BTG4: variants seen among roughly 807,000 people sequenced by gnomAD.
The protein encoded by BTG4 is BTG anti-proliferation factor 4.
Under a neutral mutation model 19.3 loss-of-function variants are expected in BTG4, and 10 were observed. The observed-to-expected ratio is 0.52, with a 90% CI of 0.32 to 0.88. The LOEUF (loss-of-function observed/expected upper bound fraction) is 0.88, where lower values mean the gene tolerates loss of function less well. Among genes scored for constraint, BTG4 ranks in the 40% least tolerant of loss-of-function variants. The pLI, the probability that BTG4 is intolerant of heterozygous loss-of-function variation, is 0.04. For missense variants in BTG4, 238 were observed against 281.9 expected (o/e 0.84, Z 1.11); for synonymous variants, 91 against 95.7 (o/e 0.95, Z 0.29).
At chr11:111,451,152 A>G in the BTG4 span, 1 of 257,862 alleles carries the variant, frequency 3.9e-6, no homozygotes, top group Non-Finnish European at 8.3e-6. Flanking sequence ...TCCAGAGACC[A>G]CAGCCCCATC....
At chr11:111,412,860 T>C in the BTG4 span, among the ~76,000 whole-genome samples, 1 of 152,220 alleles carries the variant, frequency 6.6e-6, no homozygotes, top group African/African-American at 2.4e-5. Context: ...GAGAATGTTA[T>C]AACTCAACAC....
chr11:111,488,819 G>T (rs1168391130), intron 5 of BTG4, among the ~76,000 whole-genome samples: 1 of 152,026 alleles, frequency 6.6e-6, no homozygotes, highest in African/African-American at 2.4e-5. Flanking sequence ...TTTTTATTTG[G>T]CTCAGAAGGT....
chr11:111,405,506 C>T, the BTG4 span, among the ~76,000 whole-genome samples: 1 of 148,544 alleles, frequency 6.7e-6, no homozygotes, highest in African/African-American at 2.5e-5. Flanking sequence ...AAAACTGACC[C>T]TCTTTATCGT....
upstream of BTG4, chr11:111,513,412 C>A (rs1363870964): frequency 1.9e-6 from 1 of 534,198 alleles, no homozygotes; most frequent in Admixed American, 1.9e-5. Context: ...GTTGGGGTAC[C>A]AACTTGAGAC....
the BTG4 span, among the ~76,000 whole-genome samples, chr11:111,430,222 T>C: frequency 6.6e-6 from 1 of 152,194 alleles, no homozygotes; most frequent in East Asian, 1.9e-4. Context: ...TTATACATTT[T>C]AGAGAGACAT....
the BTG4 span, among the ~76,000 whole-genome samples, chr11:111,432,866 C>A: frequency 6.7e-6 from 1 of 148,292 alleles, no homozygotes; most frequent in African/African-American, 2.5e-5. Flanking sequence ...TTTTTTTTTT[C>A]TTTTTTGTAG....
the BTG4 span, among the ~76,000 whole-genome samples, chr11:111,395,429 CCAG>C: frequency 2.4e-4 from 36 of 152,230 alleles, no homozygotes; most frequent in Non-Finnish European, 2.2e-4. Flanking sequence ...TCCCAGCACT[CCAG>C]CAGAGTATGT....
chr11:111,508,197 T>C (rs1304668512), intron 1 of BTG4, among the ~76,000 whole-genome samples: 2 of 152,228 alleles, frequency 1.3e-5, no homozygotes, highest in Non-Finnish European at 2.9e-5. Context: ...CTTCATCCCA[T>C]ATTTTCTACA....
rs535092583 is a variant in BTG4, at chr11:111,510,058, C to T, written c.-27+2123G>A. Among the ~76,000 whole-genome samples, 898 of 151,730 alleles carry T rather than the reference C, an allele frequency of 5.9e-3. 9 individuals are homozygous for T. The highest frequency in any genetic ancestry group is 7.7e-3 in the Non-Finnish European group (526 of 67,918). ...TTCCAAGTAGCTGGAACTACAGGCGCGCACCACCACGCCCAGCTGATTTTT... is the reference window on the plus strand; with the variant it reads ...TTCCAAGTAGCTGGAACTACAGGCGTGCACCACCACGCCCAGCTGATTTTT... On this transcript the variant is annotated intron_variant, in intron 1 of 4. Transcript: ENST00000692032.
chr11:111,491,505 T>G (rs117346620), downstream of BTG4, among the ~76,000 whole-genome samples: 1 of 152,072 alleles, frequency 6.6e-6, no homozygotes, highest in African/African-American at 2.4e-5. Flanking sequence ...CCCTGCACTT[T>G]GGGAAGCCGA....
chr11:111,434,702 T>C, the BTG4 span, among the ~76,000 whole-genome samples: 1 of 150,030 alleles, frequency 6.7e-6, no homozygotes, highest in Non-Finnish European at 1.5e-5. Context: ...ATAATAATTG[T>C]TTAAAAAAAA....
At chr11:111,498,490 G>C (rs975891918) in intron 2 of BTG4, 114 bp downstream of exon 2, 2 of 893,654 alleles carry the variant, frequency 2.2e-6, no homozygotes, top group African/African-American at 3.4e-5. Context: ...ATAAACTCGA[G>C]CCCATAAAAC....
At chr11:111,452,473 C>G in the BTG4 span, 1 of 152,308 alleles carries the variant, frequency 6.6e-6, no homozygotes, top group Non-Finnish European at 1.5e-5. Flanking sequence ...TCCACAACTC[C>G]CAGGTATCTC....
the BTG4 span, chr11:111,417,423 G>A: frequency 6.6e-5 from 10 of 152,172 alleles, no homozygotes; most frequent in Admixed American, 5.2e-4. Context: ...TCATCTGAAG[G>A]CACCACACAG....
At chr11:111,470,510 C>T (rs1226342847) in intron 5 of BTG4, among the ~76,000 whole-genome samples, 1 of 152,218 alleles carries the variant, frequency 6.6e-6, no homozygotes, top group African/African-American at 2.4e-5. Flanking sequence ...AGAATCCCAT[C>T]TGTAAAACTG....
At chr11:111,505,342 C>T (rs1041824710) in intron 1 of BTG4, among the ~76,000 whole-genome samples, 23 of 151,798 alleles carry the variant, frequency 1.5e-4, no homozygotes, top group African/African-American at 7.3e-5. Flanking sequence ...AATTGATCTT[C>T]GATTAAAGTC....
the BTG4 span, among the ~76,000 whole-genome samples, chr11:111,386,474 T>C: frequency 6.6e-6 from 1 of 152,222 alleles, no homozygotes; most frequent in Non-Finnish European, 1.5e-5. Flanking sequence ...AGATTTTCTA[T>C]GGCCCAGAAA....
At chr11:111,465,158 G>T (rs979311859), downstream of BTG4, among the ~76,000 whole-genome samples, 2 of 152,114 alleles carry the variant, frequency 1.3e-5, no homozygotes, top group Admixed American at 6.5e-5. Context: ...AACCTGAAGA[G>T]CCAGGTCCGT....
At chr11:111,512,963 T>C, upstream of BTG4, 1 of 470,012 alleles carries the variant, frequency 2.1e-6, no homozygotes, top group Non-Finnish European at 4.4e-6. Flanking sequence ...GCAGTGTCAT[T>C]AGCTGATTGT....
Sources: allele counts gnomAD v4.1 joint callset (sites outside exome capture counted in the v4.1 genomes callset), GRCh38; gene constraint gnomAD v4.1.1; transcripts MANE v1.5; gene names NCBI Gene and HGNC (gene_info 2026-07-23, HGNC 2026-07-21).